IL12RB2: variants seen among roughly 807,000 people sequenced by gnomAD.
IL12RB2 encodes the protein interleukin-12 receptor subunit beta-2.
Under a neutral mutation model 89.4 loss-of-function variants are expected in IL12RB2, and 82 were observed. That is an observed-to-expected ratio of 0.92 (90% CI 0.77 to 1.10). The LOEUF (loss-of-function observed/expected upper bound fraction) is 1.10, where lower values mean the gene tolerates loss of function less well. IL12RB2 is among the 50% of genes least tolerant of loss of function. The pLI is 0.00. For missense variants in IL12RB2, 963 were observed against 1,031.9 expected (o/e 0.93, Z 0.92); for synonymous variants, 368 against 370.1 (o/e 0.99, Z 0.07).
At chr1:67,327,818 C>T (rs1569806875) in intron 5 of IL12RB2, among the ~76,000 whole-genome samples, 1 of 152,192 alleles carries the variant, frequency 6.6e-6, no homozygotes, top group East Asian at 1.9e-4. Flanking sequence ...CAGGATTCTA[C>T]TCTGGCCACT....
In IL12RB2 at chr1:67,397,848, G is replaced by A. The variant is rs188406863; in HGVS notation, c.*1759G>A. 7.2e-5 allele frequency among the ~76,000 whole-genome samples: 11 copies of A among 152,238 alleles called. No homozygotes were observed. The highest frequency in any genetic ancestry group is 2.6e-4 in the African/African-American group (11 of 41,530). Reference sequence around the variant, plus strand: ...TGGATTTTCATTTAACAAAGTACTTGTTGTAAATGTGTACTTCTTGCCTAA... The same window carrying A: ...TGGATTTTCATTTAACAAAGTACTTATTGTAAATGTGTACTTCTTGCCTAA... On this transcript the variant is annotated 3_prime_UTR_variant, in exon 17 of 17. Transcript: ENST00000674203.
chr1:67,354,138 T>A (rs960621428), intron 10 of IL12RB2, among the ~76,000 whole-genome samples: 1 of 152,124 alleles, frequency 6.6e-6, no homozygotes, highest in Admixed American at 6.6e-5. Flanking sequence ...GTAAGAGGTA[T>A]GCATGGGGGC....
chr1:67,320,969 A>C (rs1310283248), intron 3 of IL12RB2, among the ~76,000 whole-genome samples: 1 of 113,690 alleles, frequency 8.8e-6, no homozygotes, highest in Admixed American at 1.3e-4. Context: ...TTCAACTCCC[A>C]CTTAAGAGTG....
chr1:67,392,707 C>T (rs538958656), intron 16 of IL12RB2, among the ~76,000 whole-genome samples: 42 of 150,524 alleles, frequency 2.8e-4, no homozygotes, highest in Admixed American at 2.4e-3. Flanking sequence ...CTCGGCTCAC[C>T]GCAAGCTCCG....
chr1:67,361,241 T>G (rs1170928358), intron 10 of IL12RB2, among the ~76,000 whole-genome samples: 2 of 152,060 alleles, frequency 1.3e-5, no homozygotes, highest in Non-Finnish European at 1.5e-5. Flanking sequence ...CAACAAAAAA[T>G]TATAAGGCAT....
intron 16 of IL12RB2, among the ~76,000 whole-genome samples, chr1:67,393,170 G>A (rs1666008577): frequency 1.3e-5 from 2 of 152,100 alleles, no homozygotes; most frequent in South Asian, 4.1e-4. Context: ...CCTAGCAAAT[G>A]TGCTTTGAGC....
intron 1 of IL12RB2, among the ~76,000 whole-genome samples, chr1:67,313,274 A>T (rs1405215201): frequency 6.6e-6 from 1 of 152,118 alleles, no homozygotes; most frequent in East Asian, 1.9e-4. Flanking sequence ...TCCTCTTTTG[A>T]GGGAGGTGGG....
In IL12RB2 at chr1:67,372,750, G is replaced by C; in HGVS notation, c.1684G>C (p.Glu562Gln). ...CLLHYRIYWK[E>Q]RDSNSQPQLC... Reference sequence around the variant, plus strand: ...CCTCCATTATAGGATATACTGGAAGGAACGGGACTCCAACTCCCAGCCTCA... The same window carrying C: ...CCTCCATTATAGGATATACTGGAAGCAACGGGACTCCAACTCCCAGCCTCA... Residue 562 changes from glutamate (E) to glutamine (Q), a missense_variant, in exon 13 of 17, where the codon GAA (glutamate) becomes CAA (glutamine). Coordinates refer to ENST00000674203, the MANE Select transcript of IL12RB2 (RefSeq NM_001374259.2). 6.2e-7 allele frequency: 1 copy of C among 1,607,270 alleles called. No individual in the cohort carries two copies.
At chr1:67,321,571 A>C in intron 3 of IL12RB2, 31 bp from the exon 4 acceptor site, 1 of 1,460,210 alleles carries the variant, frequency 6.8e-7, no homozygotes, top group Non-Finnish European at 9.6e-7. Context: ...TATTATCACC[A>C]ACTAAATATT....
chr1:67,333,499 G>A (rs1006059735), intron 8 of IL12RB2, among the ~76,000 whole-genome samples: 4 of 151,160 alleles, frequency 2.6e-5, no homozygotes, highest in East Asian at 1.9e-4. Context: ...TAACATCTCC[G>A]GGTGGATTGG....
rs1663979569 is a variant in IL12RB2, at chr1:67,376,289, A to G, written c.1717+3506A>G. The stretch of plus-strand genomic sequence containing the variant: ...CCTCATACCTAGAATACAGCCAGAC[A>G]CATGGTAGGTGCTTCATAAAAATAA... On this transcript the variant is annotated intron_variant, in intron 13 of 16. Coordinates refer to ENST00000674203, the MANE Select transcript of IL12RB2 (RefSeq NM_001374259.2). 2.0e-5 allele frequency among the ~76,000 whole-genome samples: 3 copies of G among 152,248 alleles called. 1 individual carries two copies. The South Asian group carries it at 6.2e-4, about 32-fold the overall frequency.
At chr1:67,338,865 G>C (rs1483729931) in intron 9 of IL12RB2, 162 bp downstream of exon 9, 8 of 652,420 alleles carry the variant, frequency 1.2e-5, no homozygotes, top group Non-Finnish European at 2.3e-5. Flanking sequence ...GGTGGATAGG[G>C]GTGAGAGCTG....
At chr1:67,388,988 C>G (rs1324445571) in intron 15 of IL12RB2, among the ~76,000 whole-genome samples, 1 of 152,000 alleles carries the variant, frequency 6.6e-6, no homozygotes, top group Non-Finnish European at 1.5e-5. Flanking sequence ...CAACTAGGAT[C>G]ACATGCATCC....
intron 14 of IL12RB2, among the ~76,000 whole-genome samples, chr1:67,382,075 C>A (rs1557470688): frequency 6.6e-6 from 1 of 152,198 alleles, no homozygotes. Context: ...GAAAGGAAAG[C>A]AGATGCTGAA....
rs746017324 is a variant in IL12RB2 at position 67,395,689 on chromosome 1, A to T, written c.2189A>T (p.Glu730Val). Residue 730 changes from glutamate to valine, a missense_variant, in exon 17 of 17, where the codon GAA (glutamate) becomes GTA (valine). Physicochemically the swap from Glu to Val is moderately radical, Grantham distance 121 (BLOSUM62 -2). Coordinates refer to ENST00000674203, the MANE Select transcript of IL12RB2 (RefSeq NM_001374259.2). ...HPPCSNWPQR[E>V]KGIQGHQASE... ...CCCTGCTCCAACTGGCCACAAAGGG[A>T]AAAAGGAATCCAAGGTCATCAGGCC... 11 of 1,613,756 alleles carry T rather than the reference A, an allele frequency of 6.8e-6. 1 individual carries two copies. The South Asian group carries it at 1.1e-4, about 16-fold the overall frequency.
chr1:67,380,050 T>G lies in IL12RB2; in HGVS notation c.1782T>G (p.Tyr594Ter). The change falls in exon 14 of 17, where the codon TAT (tyrosine) becomes TAG (stop). Residue 594 changes from tyrosine to a stop codon, truncating the protein, a stop_gained. Coordinates refer to ENST00000674203, the MANE Select transcript of IL12RB2 (RefSeq NM_001374259.2). LOFTEE classifies it high-confidence loss of function. ...ACAGCCTGCAGCCCCGAGTGACATA[T>G]GTCCTGTGGATGACAGCTCTGACAG... ...PINSLQPRVT[Y>*]VLWMTALTAA... 1 of 1,613,686 alleles carries G rather than the reference T, an allele frequency of 6.2e-7. No individual in the cohort carries two copies. Among genetic ancestry groups the G allele is most frequent in the South Asian group, 1.1e-5 (1 of 91,070 alleles).
chr1:67,385,432 A>C (rs890550274), intron 14 of IL12RB2, among the ~76,000 whole-genome samples: 2 of 152,162 alleles, frequency 1.3e-5, no homozygotes, highest in African/African-American at 4.8e-5. Flanking sequence ...CTCCCACCAC[A>C]TGTGGGGATT....
chr1:67,365,504 A>G (rs1219291088), intron 10 of IL12RB2, among the ~76,000 whole-genome samples: 1 of 152,244 alleles, frequency 6.6e-6, no homozygotes, highest in Non-Finnish European at 1.5e-5. Flanking sequence ...ATCAAATACT[A>G]TGAACAACTC....
At chr1:67,322,365 A>T (rs1246378690) in intron 4 of IL12RB2, among the ~76,000 whole-genome samples, 1 of 151,628 alleles carries the variant, frequency 6.6e-6, no homozygotes, top group Non-Finnish European at 1.5e-5. Context: ...TCTCATACTT[A>T]ACAGAAGGTA....
Sources: gnomAD v4.1 joint callset for allele counts (sites outside exome capture counted in the v4.1 genomes callset) on GRCh38, gnomAD v4.1.1 for gene constraint, MANE v1.5 for transcripts, NCBI Gene and HGNC (gene_info 2026-07-23, HGNC 2026-07-21) for gene names.